Variants in INPP4B observed in about 807,000 individuals in gnomAD.
INPP4B encodes inositol polyphosphate 4-phosphatase type II.
A neutral mutation model predicts 122.5 loss-of-function variants in INPP4B; 55 were observed. That is an observed-to-expected ratio of 0.45 (90% CI 0.36 to 0.56). The LOEUF (loss-of-function observed/expected upper bound fraction) is 0.56. Among genes scored for constraint, INPP4B ranks in the 20% least tolerant of loss-of-function variants. INPP4B has a pLI of 0.00. For synonymous variants in INPP4B, 403 were observed against 388.7 expected, an observed-to-expected ratio of 1.04 and a Z score of -0.43; for missense variants, 1,000 against 1,097.7, an observed-to-expected ratio of 0.91 and a Z score of 1.26.
At position 142,028,894 on chromosome 4, in the gene INPP4B, T is replaced by C; in HGVS notation, c.2663A>G (p.Asn888Ser). 2 of 1,612,690 alleles carry C rather than the reference T, an allele frequency of 1.2e-6. No homozygotes were observed. Among genetic ancestry groups the C allele is most frequent in the Non-Finnish European group, 1.7e-6 (2 of 1,179,364 alleles). The stretch of plus-strand genomic sequence containing the variant: ...TCTGCATTTGATATTCTTCAGTACA[T>C]TCTCTATGCGGCATCCTTCTCTGGT... ...CMRREGCRIE[N>S]VLKNIKCRKY... The change falls in exon 26 of 26, where the codon AAT becomes AGT. Residue 888 changes from asparagine (N) to serine (S), a missense_variant. Coordinates refer to ENST00000262992, the MANE Select transcript of INPP4B (RefSeq NM_001101669.3).
chr4:142,719,571 G>A lies in INPP4B; in HGVS notation c.-191+6268C>T, dbSNP rs147774128. The stretch of plus-strand genomic sequence containing the variant: ...ATTCCTGGCCTCAAGTGATCTGCAC[G>A]CCTCGGCCTCCCAAAGTGCTGGGAT... On this transcript the variant is annotated intron_variant, in intron 2 of 25. Transcript: ENST00000262992. Among the ~76,000 whole-genome samples the A allele has an allele frequency of 2.5e-3, 379 of 151,912 alleles. 5 individuals carry two copies. The highest frequency in any genetic ancestry group is 0.019 in the East Asian group (96 of 5,148).
chr4:142,806,276 C>A (rs1368614667), intron 1 of INPP4B, among the ~76,000 whole-genome samples: 1 of 44,716 alleles, frequency 2.2e-5, no homozygotes, highest in African/African-American at 1.6e-4. Context: ...GAGACTCCGT[C>A]TCAAAAAAAA....
At chr4:142,127,039 TAG>T (rs1553982753) in intron 18 of INPP4B, among the ~76,000 whole-genome samples, 1 of 152,190 alleles carries the variant, frequency 6.6e-6, no homozygotes, top group Non-Finnish European at 1.5e-5. Context: ...TTGTTTCTAC[TAG>T]AGAATTCCCA....
At chr4:142,805,479 T>A (rs1465059953) in intron 1 of INPP4B, among the ~76,000 whole-genome samples, 2 of 152,174 alleles carry the variant, frequency 1.3e-5, no homozygotes. Flanking sequence ...TAGTGGAATA[T>A]AAATTACAGT....
At chr4:142,250,020 A>T (rs1731148412) in intron 11 of INPP4B, among the ~76,000 whole-genome samples, 1 of 152,238 alleles carries the variant, frequency 6.6e-6, no homozygotes, top group Non-Finnish European at 1.5e-5. Flanking sequence ...TAATTTTATG[A>T]GTTATATTGT....
At chr4:142,416,000 T>G in intron 5 of INPP4B, among the ~76,000 whole-genome samples, 1 of 150,202 alleles carries the variant, frequency 6.7e-6, no homozygotes, top group African/African-American at 2.4e-5. Context: ...CTGGGGACTG[T>G]TGTGGGGTGG....
At chr4:142,806,809 A>AAGAAAGAAAGAT (rs1778889735) in intron 1 of INPP4B, among the ~76,000 whole-genome samples, 2 of 148,726 alleles carry the variant, frequency 1.3e-5, no homozygotes, top group Non-Finnish European at 3.0e-5. Flanking sequence ...GAAAGAAAGA[A>AAGAAAGAAAGAT]AGAAAGAAAG....
chr4:142,791,821 T>A (rs1319537845), intron 1 of INPP4B, among the ~76,000 whole-genome samples: 2 of 152,046 alleles, frequency 1.3e-5, no homozygotes, highest in East Asian at 3.9e-4. Context: ...ACCCATTGAC[T>A]GCTATCTAAA....
At chr4:142,295,921 G>A (rs1758498041) in intron 9 of INPP4B, among the ~76,000 whole-genome samples, 1 of 152,060 alleles carries the variant, frequency 6.6e-6, no homozygotes, top group Admixed American at 6.6e-5. Flanking sequence ...AACTGACTTT[G>A]GTAAATATGG....
chr4:142,434,188 A>G (rs1809935820), intron 3 of INPP4B, among the ~76,000 whole-genome samples: 1 of 152,204 alleles, frequency 6.6e-6, no homozygotes. Context: ...CATTTAGTGA[A>G]CTATGGTGAT....
chr4:142,238,636 C>G (rs975315507), intron 11 of INPP4B, among the ~76,000 whole-genome samples: 3 of 152,056 alleles, frequency 2.0e-5, no homozygotes, highest in Non-Finnish European at 4.4e-5. Context: ...GTCAATAACA[C>G]ACTTTTCTGA....
At chr4:142,624,457 G>C (rs957631349) in intron 2 of INPP4B, among the ~76,000 whole-genome samples, 1 of 151,820 alleles carries the variant, frequency 6.6e-6, no homozygotes, top group South Asian at 2.1e-4. Flanking sequence ...CATTGTAGAT[G>C]CTGGATATTA....
At chr4:142,456,299 T>C (rs1279493985) in intron 3 of INPP4B, among the ~76,000 whole-genome samples, 1 of 152,074 alleles carries the variant, frequency 6.6e-6, no homozygotes, top group Non-Finnish European at 1.5e-5. Flanking sequence ...TAGATGTAAA[T>C]CTTTAATTCA....
chr4:142,802,758 C>G (rs916778648), intron 1 of INPP4B, among the ~76,000 whole-genome samples: 1 of 151,594 alleles, frequency 6.6e-6, no homozygotes, highest in Non-Finnish European at 1.5e-5. Context: ...ATGAGTTTTT[C>G]CTCTTTCAGT....
intron 2 of INPP4B, among the ~76,000 whole-genome samples, chr4:142,661,962 G>A (rs934978584): frequency 6.6e-6 from 1 of 151,844 alleles, no homozygotes; most frequent in Admixed American, 6.6e-5. Flanking sequence ...GGCCGGGCAC[G>A]GTGGCTCACG....
At chr4:142,055,153 C>A (rs565816840) in intron 25 of INPP4B, among the ~76,000 whole-genome samples, 1 of 151,988 alleles carries the variant, frequency 6.6e-6, no homozygotes, top group South Asian at 2.1e-4. Context: ...GTAATACTAA[C>A]TATGGAACTG....
At chr4:142,698,059 T>C (rs1580728484) in intron 2 of INPP4B, among the ~76,000 whole-genome samples, 1 of 152,118 alleles carries the variant, frequency 6.6e-6, no homozygotes, top group South Asian at 2.1e-4. Flanking sequence ...AGACTGGCTG[T>C]GAAAATTTTA....
intron 2 of INPP4B, among the ~76,000 whole-genome samples, chr4:142,623,851 G>T (rs1449802735): frequency 6.6e-6 from 1 of 151,968 alleles, no homozygotes; most frequent in Admixed American, 6.6e-5. Flanking sequence ...AGTTTACTGA[G>T]AATGATGATT....
At chr4:142,677,370 T>G (rs1346101754) in intron 2 of INPP4B, among the ~76,000 whole-genome samples, 1 of 151,968 alleles carries the variant, frequency 6.6e-6, no homozygotes, top group East Asian at 1.9e-4. Context: ...TGGGGAGAAA[T>G]AGGAACGCTT....
Sources: gnomAD v4.1 joint callset for allele counts (sites outside exome capture counted in the v4.1 genomes callset) on GRCh38, gnomAD v4.1.1 for gene constraint, MANE v1.5 for transcripts, NCBI Gene and HGNC (gene_info 2026-07-23, HGNC 2026-07-21) for gene names.